The following MCC variants were observed in gnomAD, a reference collection of about 807,000 sequenced individuals.
MCC encodes colorectal mutant cancer protein.
MCC carries 90 observed loss-of-function variants against 116.2 expected under a neutral mutation model. The ratio of observed to expected loss-of-function variants is 0.77; its 90% CI spans 0.65 to 0.92. The LOEUF (loss-of-function observed/expected upper bound fraction) is 0.92. Ranked by LOEUF, MCC falls within the 40% of genes least tolerant of loss-of-function variation. The pLI, the probability that MCC is intolerant of heterozygous loss-of-function variation, is 0.00. For missense variants in MCC, 1,516 were observed against 1,312.2 expected, an observed-to-expected ratio of 1.16 and a Z score of -2.40; for synonymous variants, 578 against 510.5, an observed-to-expected ratio of 1.13 and a Z score of -1.78.
At chr5:113,067,863 T>C (rs1753731740) in intron 13 of MCC, among the ~76,000 whole-genome samples, 1 of 152,252 alleles carries the variant, frequency 6.6e-6, no homozygotes, top group Non-Finnish European at 1.5e-5. Context: ...AGAAGTCTTG[T>C]TTGTTTTAAC....
intron 3 of MCC, among the ~76,000 whole-genome samples, chr5:113,250,252 A>G (rs1203354499): frequency 6.6e-6 from 1 of 152,250 alleles, no homozygotes; most frequent in African/African-American, 2.4e-5. Context: ...AGAGTCACCA[A>G]GGAGCATCTT....
intron 1 of MCC, among the ~76,000 whole-genome samples, chr5:113,479,821 G>A (rs1015453853): frequency 1.3e-5 from 2 of 151,992 alleles, no homozygotes; most frequent in South Asian, 2.1e-4. Flanking sequence ...GTAGCTTTGA[G>A]GCTTTCAGTG....
At chr5:113,469,889 A>G (rs1772031629) in intron 1 of MCC, among the ~76,000 whole-genome samples, 1 of 152,138 alleles carries the variant, frequency 6.6e-6, no homozygotes, top group Non-Finnish European at 1.5e-5. Context: ...ATATATATTT[A>G]GGATAGTTAG....
At chr5:113,071,638 C>A (rs910660386) in intron 11 of MCC, among the ~76,000 whole-genome samples, 3 of 152,214 alleles carry the variant, frequency 2.0e-5, no homozygotes, top group Admixed American at 1.3e-4. Flanking sequence ...AGACAGCAGT[C>A]ATGGCTATTT....
rs560618983 is a variant in MCC at position 113,354,976 on chromosome 5, GT to G, written c.416-14247del. On this transcript the variant is annotated intron_variant, in intron 2 of 18. Transcript: ENST00000408903. ...AATCTCTGTACATGTATATATGTAT[GT>G]ATACACATATATATGATATAGATAT... 8.6e-5 allele frequency among the ~76,000 whole-genome samples: 13 copies of G among 151,642 alleles called. No homozygotes were observed. In the South Asian group the frequency reaches 2.5e-3, roughly 29 times the overall value.
At chr5:113,129,803 T>C (rs998263707) in intron 5 of MCC, among the ~76,000 whole-genome samples, 1 of 152,180 alleles carries the variant, frequency 6.6e-6, no homozygotes, top group African/African-American at 2.4e-5. Flanking sequence ...TCACACCAGT[T>C]AGAATGGCGA....
intron 5 of MCC, among the ~76,000 whole-genome samples, chr5:113,138,603 T>C (rs755040544): frequency 1.1e-4 from 17 of 152,188 alleles, no homozygotes; most frequent in Non-Finnish European, 2.4e-4. Flanking sequence ...CTGTGAGAAA[T>C]ACATTTCTGT....
At chr5:113,035,024 T>A (rs1317491937) in intron 17 of MCC, among the ~76,000 whole-genome samples, 1 of 152,162 alleles carries the variant, frequency 6.6e-6, no homozygotes, top group Non-Finnish European at 1.5e-5. Context: ...ACTTCCACAC[T>A]CTTAATCTTC....
At chr5:113,231,119 A>C (rs1034810252) in intron 3 of MCC, among the ~76,000 whole-genome samples, 2 of 152,138 alleles carry the variant, frequency 1.3e-5, no homozygotes, top group Non-Finnish European at 2.9e-5. Flanking sequence ...AAATCTCAAG[A>C]GCTTGACCTT....
At chr5:113,453,178 G>A (rs1451626120) in intron 1 of MCC, among the ~76,000 whole-genome samples, 1 of 151,966 alleles carries the variant, frequency 6.6e-6, no homozygotes, top group African/African-American at 2.4e-5. Flanking sequence ...ATTAAACCCT[G>A]TCTTTAGACA....
intron 14 of MCC, among the ~76,000 whole-genome samples, chr5:113,063,353 G>A (rs547396549): frequency 6.6e-6 from 1 of 152,274 alleles, no homozygotes; most frequent in East Asian, 1.9e-4. Flanking sequence ...GGTCTTCGCC[G>A]CTCTCTTCCT....
chr5:113,369,169 T>C (rs941002962), intron 2 of MCC, among the ~76,000 whole-genome samples: 1 of 152,068 alleles, frequency 6.6e-6, no homozygotes, highest in Non-Finnish European at 1.5e-5. Context: ...TCACTGACCA[T>C]TGGTGATCAA....
intron 6 of MCC, among the ~76,000 whole-genome samples, chr5:113,108,166 G>T (rs893318165): frequency 6.6e-6 from 1 of 151,764 alleles, no homozygotes; most frequent in Non-Finnish European, 1.5e-5. Flanking sequence ...CCAATATTGT[G>T]AAACCCTGTC....
intron 1 of MCC, among the ~76,000 whole-genome samples, chr5:113,467,671 T>C (rs941753777): frequency 6.6e-6 from 1 of 152,186 alleles, no homozygotes; most frequent in African/African-American, 2.4e-5. Flanking sequence ...ACACGGGCTC[T>C]TTTTTGTTTC....
intron 3 of MCC, among the ~76,000 whole-genome samples, chr5:113,262,950 G>C (rs1029775758): frequency 6.6e-6 from 1 of 151,936 alleles, no homozygotes; most frequent in South Asian, 2.1e-4. Flanking sequence ...GATGGCTAAC[G>C]AGGCCATCAA....
intron 3 of MCC, among the ~76,000 whole-genome samples, chr5:113,241,946 GA>G (rs1247487623): frequency 2.0e-5 from 3 of 152,082 alleles, no homozygotes; most frequent in African/African-American, 7.2e-5. Flanking sequence ...ATTCTTTTAG[GA>G]AAAAAACAGG....
chr5:113,297,820 T>C (rs184209542), intron 3 of MCC, among the ~76,000 whole-genome samples: 142 of 142,368 alleles, frequency 1.0e-3, no homozygotes, highest in African/African-American at 3.7e-3. Flanking sequence ...AGAAAGTAGA[T>C]GGAAATTGTG....
At chr5:113,358,055 ATTCT>A (rs1377328049) in intron 2 of MCC, among the ~76,000 whole-genome samples, 1 of 152,174 alleles carries the variant, frequency 6.6e-6, no homozygotes, top group Non-Finnish European at 1.5e-5. Flanking sequence ...CTTTGGTCAA[ATTCT>A]TTCTTCTTAG....
chr5:113,055,737 G>A lies in MCC; in HGVS notation c.2214-1778C>T, dbSNP rs550700067. 2.8e-4 allele frequency among the ~76,000 whole-genome samples: 43 copies of A among 152,310 alleles called. No homozygotes were observed. The South Asian group carries it at 5.4e-3, about 19-fold the overall frequency. ...ACGTCAGCTGGGCTGGGCTATGTGC[G>A]CAGTTGCTTGGTCAACCACCAGATT... On this transcript the variant is annotated intron_variant, in intron 14 of 18. Transcript: ENST00000408903.
Sources: gnomAD v4.1 joint callset for allele counts (sites outside exome capture counted in the v4.1 genomes callset) on GRCh38, gnomAD v4.1.1 for gene constraint, MANE v1.5 for transcripts, NCBI Gene and HGNC (gene_info 2026-07-23, HGNC 2026-07-21) for gene names.